The following PLB1 variants were observed in gnomAD, a reference collection of about 807,000 sequenced individuals.
PLB1 encodes the protein phospholipase B1.
PLB1 carries 242 observed loss-of-function variants against 227.4 expected under a neutral mutation model. The ratio of observed to expected loss-of-function variants is 1.06; its 90% CI spans 0.96 to 1.18. The LOEUF is 1.18. Ranked by LOEUF, PLB1 falls within the 50% of genes most tolerant of loss-of-function variation. PLB1 has a pLI of 0.00. For missense variants in PLB1, 1,858 were observed against 1,816.3 expected, an observed-to-expected ratio of 1.02 and a Z score of -0.42; for synonymous variants, 757 against 682.2, an observed-to-expected ratio of 1.11 and a Z score of -1.71.
chr2:28,573,099 T>C, intron 20 of PLB1, 98 bp from the exon 21 acceptor site: 1 of 898,602 alleles, frequency 1.1e-6, no homozygotes, highest in African/African-American at 1.6e-5. Flanking sequence ...GGCTGCGGAG[T>C]GGGGACTCTG....
At chr2:28,624,473 G>T (rs1295672812) in intron 49 of PLB1, among the ~76,000 whole-genome samples, 1 of 152,074 alleles carries the variant, frequency 6.6e-6, no homozygotes, top group Non-Finnish European at 1.5e-5. Context: ...TTTATTTATG[G>T]CAGACATCAG....
intron 13 of PLB1, 39 bp downstream of exon 13, chr2:28,541,850 G>A (rs894199223): frequency 1.4e-5 from 22 of 1,522,884 alleles, no homozygotes; most frequent in African/African-American, 2.7e-5. Context: ...AGTGTGGTGG[G>A]GGCCGGGCAT....
Position 28,611,969 on chromosome 2 carries a change from G to A in PLB1, c.3130-2062G>A, listed in dbSNP as rs192114784. On this transcript the variant is annotated intron_variant, in intron 43 of 57. Transcript: ENST00000327757. ...TCCTGGCTAACATGGTGAACCCCCC[G>A]TCTCTACTAAAAATACAAAAAATAA... Among the ~76,000 whole-genome samples the A allele has an allele frequency of 2.2e-4, 33 of 152,102 alleles. No homozygotes were observed. In the South Asian group the frequency reaches 4.3e-3, roughly 20 times the overall value.
At chr2:28,538,285 G>A in intron 9 of PLB1, 34 bp from the exon 10 acceptor site, 1 of 1,614,086 alleles carries the variant, frequency 6.2e-7, no homozygotes, top group Non-Finnish European at 8.5e-7. Flanking sequence ...TCCTCCTGCA[G>A]GCACCCTCAC....
In PLB1 at chr2:28,518,488, C is replaced by T; in HGVS notation, c.140C>T (p.Pro47Leu). The change falls in exon 3 of 58, where the codon CCA becomes CTA. Residue 47 changes from proline to leucine, a missense_variant. Physicochemically the swap from Pro to Leu is moderately conservative, Grantham distance 98 (BLOSUM62 -3). Transcript: ENST00000327757. The stretch of plus-strand genomic sequence containing the variant: ...CAGACCCTGAAGAATTCTCCATTCC[C>T]ATGCAACCCAAATAAATTAGGAGTG... Reference protein sequence around the residue: ...WPETLKNSPFPCNPNKLGVNM... With the variant: ...WPETLKNSPFLCNPNKLGVNM... The T allele has an allele frequency of 1.2e-6, 2 of 1,612,994 alleles. No individual in the cohort carries two copies. Among genetic ancestry groups the T allele is most frequent in the Non-Finnish European group, 8.5e-7 (1 of 1,178,938 alleles).
At chr2:28,578,057 C>A in intron 21 of PLB1, 50 bp from the exon 22 acceptor site, 1 of 1,572,640 alleles carries the variant, frequency 6.4e-7, no homozygotes, top group Middle Eastern at 1.7e-4. Flanking sequence ...TGCTAAGGGC[C>A]CCTGCCAGTC....
intron 41 of PLB1, among the ~76,000 whole-genome samples, chr2:28,605,610 C>G (rs945724970): frequency 2.6e-5 from 4 of 152,170 alleles, no homozygotes; most frequent in Non-Finnish European, 5.9e-5. Flanking sequence ...TACGACACTT[C>G]TAATTGAATA....
In PLB1 at chr2:28,632,095, T is replaced by A; in HGVS notation, c.3957T>A (p.Val1319=). Residue 1319 remains valine (V), a synonymous_variant, in exon 55 of 58, where the codon GTT becomes GTA. Coordinates refer to ENST00000327757, the MANE Select transcript of PLB1 (RefSeq NM_153021.5). ...ACACACAGCGTGAGGACTTTGCGGT[T>A]GTGGTGCAGCCTTTCTTCCAAAACA... is the stretch of plus-strand genomic sequence containing the variant. ...HQYTQREDFA[V]VVQPFFQNTL... is the part of the protein sequence containing the mutation. 1 of 1,614,162 alleles carries A rather than the reference T, an allele frequency of 6.2e-7. No homozygotes were observed. The highest frequency in any genetic ancestry group is 8.5e-7 in the Non-Finnish European group (1 of 1,180,018).
At chr2:28,535,374 TTCC>T (rs1344542161) in intron 9 of PLB1, among the ~76,000 whole-genome samples, 1 of 152,238 alleles carries the variant, frequency 6.6e-6, no homozygotes, top group African/African-American at 2.4e-5. Context: ...TCACCTCCAC[TTCC>T]ACTTACCCCA....
chr2:28,640,712 C>CGACAGAT (rs1413455014), intron 56 of PLB1, among the ~76,000 whole-genome samples: 1 of 152,152 alleles, frequency 6.6e-6, no homozygotes, highest in Non-Finnish European at 1.5e-5. Flanking sequence ...TCTGCCCTGC[C>CGACAGAT]GACAGATGCT....
chr2:28,585,772 C>T lies in PLB1; in HGVS notation c.1745C>T (p.Pro582Leu), dbSNP rs1229552791. 9 of 1,608,192 alleles carry T rather than the reference C, an allele frequency of 5.6e-6. No homozygotes were observed. The highest frequency in any genetic ancestry group is 7.7e-6 in the Non-Finnish European group (9 of 1,174,792). The stretch of plus-strand genomic sequence containing the variant: ...GGTTTGGTCTACAGGTCTCTGTGTC[C>T]CTGTGTCCTGAAGTTTGATGATAAC... ...CPRMILRSLC[P>L]CVLKFDDNST... Residue 582 changes from proline (P) to leucine (L), a missense_variant, in exon 26 of 58, where the codon CCC (proline) becomes CTC (leucine). Pro to Leu is a moderately conservative substitution (Grantham distance 98, BLOSUM62 -3). Transcript: ENST00000327757.
intron 12 of PLB1, among the ~76,000 whole-genome samples, chr2:28,541,185 T>TTAAATTAAATAAATAAATAAA (rs1553414258): frequency 6.7e-6 from 1 of 149,994 alleles, no homozygotes; most frequent in African/African-American, 2.5e-5. Flanking sequence ...AATAAATAAA[T>TTAAATTAAATAAATAAATAAA]TAAATAAATA....
intron 1 of PLB1, among the ~76,000 whole-genome samples, chr2:28,498,215 C>A (rs1317605482): frequency 6.6e-6 from 1 of 151,294 alleles, no homozygotes; most frequent in African/African-American, 2.4e-5. Flanking sequence ...TGAGAGGAAC[C>A]CAATGTTGTT....
chr2:28,535,483 G>T (rs1671563727), intron 9 of PLB1, among the ~76,000 whole-genome samples: 1 of 152,224 alleles, frequency 6.6e-6, no homozygotes. Context: ...TCACCTCCTA[G>T]TGGTACCTCT....
At chr2:28,566,713 G>C (rs1366110670) in intron 19 of PLB1, 83 bp from the exon 20 acceptor site, 48 of 1,469,158 alleles carry the variant, frequency 3.3e-5, no homozygotes, top group Non-Finnish European at 4.3e-5. Context: ...CTCGGGAGAC[G>C]GGCGTTTCTG....
At chr2:28,589,258 CA>C (rs1681456970) in intron 26 of PLB1, among the ~76,000 whole-genome samples, 191 bp from the exon 27 acceptor site, 1 of 152,026 alleles carries the variant, frequency 6.6e-6, no homozygotes, top group Non-Finnish European at 1.5e-5. Context: ...AGTTTGGGGC[CA>C]GGGGTTGAGA....
At chr2:28,499,257 T>G (rs1285648631) in intron 1 of PLB1, among the ~76,000 whole-genome samples, 1 of 152,142 alleles carries the variant, frequency 6.6e-6, no homozygotes, top group Non-Finnish European at 1.5e-5. Context: ...TTACTTTTAA[T>G]GCTGTTTAAT....
chr2:28,520,205 G>T (rs1024736072), intron 4 of PLB1, among the ~76,000 whole-genome samples: 3 of 150,436 alleles, frequency 2.0e-5, no homozygotes, highest in African/African-American at 4.9e-5. Flanking sequence ...TGGGATTACA[G>T]GCGTGAGCCA....
intron 1 of PLB1, among the ~76,000 whole-genome samples, chr2:28,502,826 G>A (rs1648027638): frequency 6.6e-6 from 1 of 151,956 alleles, no homozygotes; most frequent in South Asian, 2.1e-4. Flanking sequence ...TTAATGTTTG[G>A]TAGAACTTGC....
Sources: allele counts gnomAD v4.1 joint callset (sites outside exome capture counted in the v4.1 genomes callset), GRCh38; gene constraint gnomAD v4.1.1; transcripts MANE v1.5; gene names NCBI Gene and HGNC (gene_info 2026-07-23, HGNC 2026-07-21).